NAALADL2: variants seen among roughly 807,000 people sequenced by gnomAD.
NAALADL2 encodes the protein inactive N-acetylated-alpha-linked acidic dipeptidase-like protein 2.
A neutral mutation model predicts 87.2 loss-of-function variants in NAALADL2; 76 were observed. That is an observed-to-expected ratio of 0.87 (90% confidence interval 0.72 to 1.05). The LOEUF is 1.05. NAALADL2 is among the 50% of genes least tolerant of loss of function. The pLI is 0.00. For synonymous variants in NAALADL2, 354 were observed against 331.0 expected, an observed-to-expected ratio of 1.07 and a Z score of -0.75; for missense variants, 1,089 against 945.8, an observed-to-expected ratio of 1.15 and a Z score of -1.99.
chr3:175,214,916 A>G (rs1175027208), intron 2 of NAALADL2, among the ~76,000 whole-genome samples: 1 of 152,164 alleles, frequency 6.6e-6, no homozygotes, highest in Non-Finnish European at 1.5e-5. Context: ...TTTACTTGAC[A>G]CACACAAAAA....
chr3:175,453,361 G>A (rs1451010826), intron 6 of NAALADL2, among the ~76,000 whole-genome samples: 1 of 152,174 alleles, frequency 6.6e-6, no homozygotes, highest in East Asian at 1.9e-4. Flanking sequence ...TTCCTTGCAA[G>A]TATCCAATAT....
intron 4 of NAALADL2, among the ~76,000 whole-genome samples, chr3:175,292,977 C>A: frequency 8.0e-6 from 1 of 125,686 alleles, no homozygotes. Context: ...GCGGAGCTTG[C>A]AATGAGCCGA....
chr3:175,228,680 G>A (rs1744512480), intron 2 of NAALADL2, among the ~76,000 whole-genome samples: 1 of 151,840 alleles, frequency 6.6e-6, no homozygotes, highest in South Asian at 2.1e-4. Context: ...CTCCCATAAT[G>A]AGAATATCAA....
At chr3:174,758,533 G>A (rs1712443161) in intron 3 of NAALADL2, among the ~76,000 whole-genome samples, 1 of 152,222 alleles carries the variant, frequency 6.6e-6, no homozygotes, top group South Asian at 2.1e-4. Context: ...TGTTTGAGGG[G>A]AGCATCCTGA....
chr3:174,830,352 A>G (rs1722524588), intron 3 of NAALADL2, among the ~76,000 whole-genome samples: 1 of 152,230 alleles, frequency 6.6e-6, no homozygotes, highest in South Asian at 2.1e-4. Context: ...CAGTTTTCCC[A>G]GCACCATTTA....
At chr3:174,935,757 T>G (rs1560385323) in intron 1 of NAALADL2, among the ~76,000 whole-genome samples, 1 of 152,142 alleles carries the variant, frequency 6.6e-6, no homozygotes, top group Non-Finnish European at 1.5e-5. Flanking sequence ...TAAATAATAT[T>G]GCAATAAAAG....
chr3:175,743,788 A>C (rs1426043505), intron 12 of NAALADL2, among the ~76,000 whole-genome samples: 1 of 152,224 alleles, frequency 6.6e-6, no homozygotes, highest in African/African-American at 2.4e-5. Flanking sequence ...TCATAGAAAG[A>C]GTGCAGACAT....
chr3:175,548,132 CAA>C (rs1416729972), intron 9 of NAALADL2, among the ~76,000 whole-genome samples: 1 of 151,968 alleles, frequency 6.6e-6, no homozygotes, highest in African/African-American at 2.4e-5. Context: ...TTCAACATAG[CAA>C]AGACATGTAA....
intron 4 of NAALADL2, among the ~76,000 whole-genome samples, chr3:175,304,930 T>C (rs1215537241): frequency 1.3e-5 from 2 of 152,200 alleles, no homozygotes; most frequent in Admixed American, 6.5e-5. Flanking sequence ...TTTCTTAAAA[T>C]GAGAATTAAG....
chr3:175,131,824 A>AC (rs1378180748), intron 2 of NAALADL2, among the ~76,000 whole-genome samples: 21 of 92,780 alleles, frequency 2.3e-4, no homozygotes, highest in African/African-American at 4.6e-4. Flanking sequence ...CGGGGGGCTG[A>AC]CCCCCCCCAC....
At chr3:175,750,388 C>G (rs971516429) in intron 12 of NAALADL2, among the ~76,000 whole-genome samples, 35 of 152,086 alleles carry the variant, frequency 2.3e-4, no homozygotes, top group African/African-American at 7.7e-4. Context: ...ACTAACATTT[C>G]TCTCTCTCTT....
intron 2 of NAALADL2, among the ~76,000 whole-genome samples, chr3:174,676,566 T>C (rs894889491): frequency 2.0e-5 from 3 of 152,010 alleles, no homozygotes; most frequent in African/African-American, 2.4e-5. Flanking sequence ...CCTACAACTA[T>C]GCACTTTTGA....
chr3:175,539,823 G>A (rs1024724341), intron 9 of NAALADL2, among the ~76,000 whole-genome samples: 17 of 152,182 alleles, frequency 1.1e-4, no homozygotes, highest in African/African-American at 3.6e-4. Flanking sequence ...CCTTTGAACT[G>A]TAGGGCATAG....
At chr3:175,223,466 T>C (rs1743703311) in intron 2 of NAALADL2, among the ~76,000 whole-genome samples, 1 of 152,116 alleles carries the variant, frequency 6.6e-6, no homozygotes, top group African/African-American at 2.4e-5. Flanking sequence ...CAAGATTCCT[T>C]TATTTTGATG....
intron 6 of NAALADL2, among the ~76,000 whole-genome samples, chr3:175,461,800 C>T (rs566334273): frequency 7.2e-5 from 11 of 152,174 alleles, no homozygotes; most frequent in African/African-American, 2.2e-4. Flanking sequence ...TTATGTGGAT[C>T]GTTTGGAACA....
At chr3:175,382,467 A>T (rs1292727306) in intron 5 of NAALADL2, among the ~76,000 whole-genome samples, 2 of 151,712 alleles carry the variant, frequency 1.3e-5, no homozygotes, top group East Asian at 3.9e-4. Flanking sequence ...CATTTAAAAT[A>T]GTAATTTGCC....
chr3:175,081,035 A>G (rs1405532913), intron 1 of NAALADL2: 1 of 152,204 alleles, frequency 6.6e-6, no homozygotes, highest in Admixed American at 6.5e-5. Context: ...CCAAGGGTTC[A>G]CTGCTATAGA....
chr3:175,028,158 T>A (rs970684017), intron 1 of NAALADL2, among the ~76,000 whole-genome samples: 7 of 152,084 alleles, frequency 4.6e-5, no homozygotes, highest in African/African-American at 1.7e-4. Flanking sequence ...TCCTAATATT[T>A]CTTTTTGATG....
chr3:175,531,727 G>A (rs1162807935), intron 9 of NAALADL2, among the ~76,000 whole-genome samples: 1 of 152,212 alleles, frequency 6.6e-6, no homozygotes, highest in African/African-American at 2.4e-5. Flanking sequence ...GGTACCAGGA[G>A]TTGTATTAGT....
Sources: allele counts gnomAD v4.1 joint callset (sites outside exome capture counted in the v4.1 genomes callset), GRCh38; gene constraint gnomAD v4.1.1; transcripts MANE v1.5; gene names NCBI Gene and HGNC (gene_info 2026-07-23, HGNC 2026-07-21).